Variants in RFFL observed in about 807,000 individuals in gnomAD.
RFFL encodes the protein ring finger and FYVE like domain containing E3 ubiquitin protein ligase, also known as E3 ubiquitin-protein ligase rififylin.
RFFL carries 16 observed loss-of-function variants against 40.4 expected under a neutral mutation model. The ratio of observed to expected loss-of-function variants is 0.40; its 90% CI spans 0.27 to 0.60. The LOEUF is 0.60. Among genes scored for constraint, RFFL ranks in the 20% least tolerant of loss-of-function variants. The pLI is 0.47. For synonymous variants in RFFL, 154 were observed against 167.9 expected, an observed-to-expected ratio of 0.92 and a Z score of 0.64; for missense variants, 367 against 451.7, an observed-to-expected ratio of 0.81 and a Z score of 1.70.
At position 35,078,229 on chromosome 17, in the gene RFFL, C is replaced by T. The variant is rs925412196; in HGVS notation, c.-9+10876G>A. Among the ~76,000 whole-genome samples the T allele has an allele frequency of 3.3e-5, 5 of 152,018 alleles. No individual in the cohort carries two copies. In the South Asian group the frequency reaches 1.0e-3, roughly 32 times the overall value. ...AGATCTATTGCAGTAAACATATAAC[C>T]TTACTAAAGACTTCAGGAATAAAAA... On this transcript the variant is annotated intron_variant, in intron 1 of 6. Coordinates refer to the RFFL transcript ENST00000315249.
chr17:35,085,167 C>T (rs1026549163), intron 1 of RFFL, among the ~76,000 whole-genome samples: 5 of 151,862 alleles, frequency 3.3e-5, no homozygotes, highest in African/African-American at 4.8e-5. Context: ...GAGTGGCTGG[C>T]GTTTGGAACT....
intron 1 of RFFL, among the ~76,000 whole-genome samples, chr17:35,045,273 T>C (rs2091192252): frequency 6.6e-6 from 1 of 151,910 alleles, no homozygotes; most frequent in South Asian, 2.1e-4. Context: ...CACTCTGTCG[T>C]CCAGGCTAGA....
intron 1 of RFFL, among the ~76,000 whole-genome samples, chr17:35,027,970 T>C (rs896345566): frequency 6.6e-6 from 1 of 150,400 alleles, no homozygotes; most frequent in African/African-American, 2.5e-5. Flanking sequence ...GAGGCAGAGA[T>C]TGCAGTGACG....
chr17:35,046,262 A>C (rs556178786), intron 1 of RFFL, among the ~76,000 whole-genome samples: 2 of 152,346 alleles, frequency 1.3e-5, no homozygotes, highest in African/African-American at 4.8e-5. Flanking sequence ...GGTCACTTCC[A>C]TCTCTTCCTA....
At chr17:35,063,813 AAAC>A (rs1006154419), upstream of RFFL, 2 of 152,402 alleles carry the variant, frequency 1.3e-5, no homozygotes, top group African/African-American at 4.8e-5. Flanking sequence ...TGTACTTCCC[AAAC>A]AACTCAGCCT....
chr17:35,074,938 A>G (rs9906079), intron 1 of RFFL, among the ~76,000 whole-genome samples: 3,848 of 152,286 alleles, frequency 0.025, 167 homozygotes, highest in African/African-American at 0.087. Context: ...AACATGCCCA[A>G]TGCTTCCCTA....
intron 1 of RFFL, among the ~76,000 whole-genome samples, chr17:35,077,264 G>A (rs2091381900): frequency 6.6e-6 from 1 of 152,058 alleles, no homozygotes; most frequent in African/African-American, 2.4e-5. Flanking sequence ...TAGGTGGCAT[G>A]AGGAAGAAAA....
chr17:35,021,919 C>T, intron 2 of RFFL, 138 bp from the exon 3 acceptor site: 1 of 818,646 alleles, frequency 1.2e-6, no homozygotes, highest in Middle Eastern at 2.3e-4. Flanking sequence ...TCTCATATAT[C>T]TAAGGGTGCA....
At chr17:35,024,190 T>C (rs2091027278) in intron 2 of RFFL, among the ~76,000 whole-genome samples, 1 of 152,330 alleles carries the variant, frequency 6.6e-6, no homozygotes, top group East Asian at 1.9e-4. Flanking sequence ...AGGGTTCTGC[T>C]GGCTCCCGTT....
chr17:35,038,826 T>C (rs2091143333), intron 1 of RFFL, among the ~76,000 whole-genome samples: 2 of 152,254 alleles, frequency 1.3e-5, no homozygotes, highest in Non-Finnish European at 2.9e-5. Context: ...TGTAGATATG[T>C]TGACTTTGTA....
Position 35,021,339 on chromosome 17 carries a change from CAGACTGGCAG to C in RFFL, c.591+22_591+31del, listed in dbSNP as rs1212232764. 3.3e-6 allele frequency: 5 copies of C among 1,508,048 alleles called. No homozygotes were observed. In the East Asian group the frequency reaches 9.2e-5, roughly 28 times the overall value. 93.4% of individuals were successfully genotyped at this position (1,508,048 alleles called of 1,614,324 possible). On this transcript the variant is annotated intron_variant, in intron 3 of 6. Transcript: ENST00000394597. ...ATGAAAATGAGCCCTCAAACTGGCA[CAGACTGGCAG>C]AGACTACAAATGGGCCCTTACCTGC...
At chr17:35,078,877 G>A (rs1432902201) in intron 1 of RFFL, among the ~76,000 whole-genome samples, 3 of 151,952 alleles carry the variant, frequency 2.0e-5, no homozygotes, top group African/African-American at 7.3e-5. Context: ...CTACTCAGGA[G>A]GCTAAGATGG....
intron 3 of RFFL, among the ~76,000 whole-genome samples, chr17:35,018,423 G>C (rs900386237): frequency 2.0e-5 from 3 of 152,190 alleles, no homozygotes; most frequent in Non-Finnish European, 2.9e-5. Flanking sequence ...AGGCAGAACT[G>C]TTAGCCTCCT....
intron 1 of RFFL, among the ~76,000 whole-genome samples, chr17:35,083,959 G>T (rs779337407): frequency 2.0e-5 from 3 of 152,072 alleles, no homozygotes; most frequent in Non-Finnish European, 2.9e-5. Context: ...AGCCAGGCAC[G>T]GTGGCTCAAT....
intron 1 of RFFL, among the ~76,000 whole-genome samples, chr17:35,081,955 A>G (rs897032911): frequency 1.3e-5 from 2 of 152,202 alleles, no homozygotes; most frequent in African/African-American, 4.8e-5. Context: ...CTGTTTAGGT[A>G]ATAAACAGAT....
rs760690182 is a variant in RFFL, at chr17:35,014,731, A to G, written c.910+9T>C. 5.6e-6 allele frequency: 9 copies of G among 1,613,216 alleles called. No homozygotes were observed. In the South Asian group the frequency reaches 8.8e-5, roughly 16 times the overall value. On this transcript the variant is annotated intron_variant, in intron 6 of 6. Coordinates refer to ENST00000394597, the MANE Select transcript of RFFL (RefSeq NM_001017368.2). ...CTAAGCCCATTCCCAAACAGAAACA[A>G]CTACATACCGTTTTGGTCTTCGGCA...
intron 1 of RFFL, among the ~76,000 whole-genome samples, chr17:35,051,758 C>G (rs185883985): frequency 1.2e-4 from 18 of 152,306 alleles, no homozygotes; most frequent in African/African-American, 3.8e-4. Flanking sequence ...GCAGAAGGAA[C>G]AGATTCCCAG....
chr17:35,026,347 A>G (rs1196950811), intron 2 of RFFL, 27 bp downstream of exon 2: 1 of 1,609,488 alleles, frequency 6.2e-7, no homozygotes, highest in African/African-American at 1.3e-5. Context: ...CTGCAGTGGC[A>G]GAGCAGGCCA....
chr17:35,071,197 CAAA>C (rs548193599), intron 1 of RFFL, among the ~76,000 whole-genome samples: 1 of 53,204 alleles, frequency 1.9e-5, no homozygotes, highest in Non-Finnish European at 4.1e-5. Flanking sequence ...GACTCCAACT[CAAA>C]AAAAAAAAAA....
Sources: gnomAD v4.1 joint callset for allele counts (sites outside exome capture counted in the v4.1 genomes callset) on GRCh38, gnomAD v4.1.1 for gene constraint, MANE v1.5 for transcripts, NCBI Gene and HGNC (gene_info 2026-07-23, HGNC 2026-07-21) for gene names.